Variants in SEM1 observed in about 807,000 individuals in gnomAD.
The protein encoded by SEM1 is 26S proteasome complex subunit SEM1.
A neutral mutation model predicts 12.7 loss-of-function variants in SEM1; 3 were observed. The ratio of observed to expected loss-of-function variants is 0.24; its 90% CI spans 0.11 to 0.61. The LOEUF (loss-of-function observed/expected upper bound fraction) is 0.61, where lower values mean the gene tolerates loss of function less well. Among genes scored for constraint, SEM1 ranks in the 20% least tolerant of loss-of-function variants. The pLI, the probability that SEM1 is intolerant of heterozygous loss-of-function variation, is 0.88. For synonymous variants in SEM1, 30 were observed against 27.8 expected (o/e 1.08, Z -0.25); for missense variants, 59 against 81.3 (o/e 0.73, Z 1.06).
At chr7:96,487,224 A>G (rs1802808835) in intron 1 of SEM1, among the ~76,000 whole-genome samples, 1 of 150,070 alleles carries the variant, frequency 6.7e-6, no homozygotes, top group Non-Finnish European at 1.5e-5. Context: ...TGATGGAAGC[A>G]CTTTTTAAAA....
At chr7:96,497,263 T>G (rs1803326549), upstream of SEM1, among the ~76,000 whole-genome samples, 1 of 152,054 alleles carries the variant, frequency 6.6e-6, no homozygotes, top group Admixed American at 6.6e-5. Flanking sequence ...AAAATCAAAT[T>G]TTTTTCTTTT....
intron 2 of SEM1, among the ~76,000 whole-genome samples, chr7:96,537,610 C>T (rs1452588438): frequency 6.6e-6 from 1 of 151,610 alleles, no homozygotes; most frequent in Non-Finnish European, 1.5e-5. Flanking sequence ...GGGAAGTGTA[C>T]AGTAATTCTT....
chr7:96,652,185 C>A (rs920593518), intron 2 of SEM1, among the ~76,000 whole-genome samples: 2 of 152,134 alleles, frequency 1.3e-5, no homozygotes, highest in African/African-American at 2.4e-5. Context: ...ACACTCAAGT[C>A]AAGTGAACAC....
chr7:96,691,023 G>A (rs577986701), intron 2 of SEM1, among the ~76,000 whole-genome samples: 12 of 152,146 alleles, frequency 7.9e-5, no homozygotes, highest in African/African-American at 2.2e-4. Context: ...CACCGGCCTC[G>A]GCCTCCCAAA....
At chr7:96,673,731 G>A (rs1371551248) in exon 3 of SEM1, 1 of 764,754 alleles carries the variant, frequency 1.3e-6, no homozygotes. Context: ...TTTAGGTGGG[G>A]CCATGAACAC....
Position 96,515,728 on chromosome 7 carries a change from G to T in SEM1, c.171-9030C>A, listed in dbSNP as rs6959352. ...AGGATGAGTTCCTGCCCTTTGCAGG[G>T]ACATGGATGAAGCTGGAAACCATCA... On this transcript the variant is annotated intron_variant and NMD_transcript_variant, in intron 2 of 3. Transcript: ENST00000466986. 4.9e-3 allele frequency among the ~76,000 whole-genome samples: 739 copies of T among 152,238 alleles called. 3 individuals carry two copies. The highest frequency in any genetic ancestry group is 0.015 in the African/African-American group (631 of 41,546).
chr7:96,545,324 T>C (rs1390509641), intron 2 of SEM1, among the ~76,000 whole-genome samples: 5 of 152,040 alleles, frequency 3.3e-5, no homozygotes, highest in Non-Finnish European at 5.9e-5. Context: ...TGGTTCATAG[T>C]TTTTAAGGGG....
At chr7:96,565,464 A>AAAAAAGAAGAAG (rs1376401806) in intron 2 of SEM1, among the ~76,000 whole-genome samples, 7 of 151,988 alleles carry the variant, frequency 4.6e-5, no homozygotes, top group Middle Eastern at 3.4e-3. Context: ...CTGTGATTTG[A>AAAAAAGAAGAAG]AAAAAGAAGA....
At chr7:96,577,328 G>A (rs1806239440) in intron 2 of SEM1, among the ~76,000 whole-genome samples, 1 of 152,072 alleles carries the variant, frequency 6.6e-6, no homozygotes, top group Non-Finnish European at 1.5e-5. Context: ...GGCAAAGCCT[G>A]CTCAAAGAAG....
intron 1 of SEM1, among the ~76,000 whole-genome samples, chr7:96,703,944 G>A (rs570544340): frequency 1.3e-5 from 2 of 150,582 alleles, no homozygotes; most frequent in East Asian, 3.9e-4. Context: ...GGGTGACAGA[G>A]CACCAGAGCA....
chr7:96,660,453 T>A (rs1438875671), intron 2 of SEM1, among the ~76,000 whole-genome samples: 1 of 152,122 alleles, frequency 6.6e-6, no homozygotes, highest in Non-Finnish European at 1.5e-5. Flanking sequence ...AATTTCATTT[T>A]AAAAATAAAA....
chr7:96,588,156 C>A (rs1420248378), intron 2 of SEM1, among the ~76,000 whole-genome samples: 1 of 146,764 alleles, frequency 6.8e-6, no homozygotes, highest in African/African-American at 2.5e-5. Context: ...ATCGCTTGAG[C>A]CCAGGACTTT....
downstream of SEM1, among the ~76,000 whole-genome samples, chr7:96,669,616 A>G (rs1789260596): frequency 6.6e-6 from 1 of 152,190 alleles, no homozygotes; most frequent in Non-Finnish European, 1.5e-5. Context: ...CTTGGTCAAA[A>G]GCATGACAGA....
At chr7:96,667,568 T>C (rs1789203071) in intron 2 of SEM1, among the ~76,000 whole-genome samples, 1 of 152,226 alleles carries the variant, frequency 6.6e-6, no homozygotes, top group Non-Finnish European at 1.5e-5. Flanking sequence ...ATTTTAGCTT[T>C]TGGATATATG....
chr7:96,651,469 G>T (rs979302130), intron 2 of SEM1, among the ~76,000 whole-genome samples: 3 of 152,130 alleles, frequency 2.0e-5, no homozygotes. Flanking sequence ...CAGAGTCAAA[G>T]GCAGCATCTC....
rs747251356 is a variant in SEM1, at chr7:96,486,177, T to C, written c.227+26A>G. On this transcript the variant is annotated intron_variant, in intron 2 of 3. Transcript: ENST00000356686. ...ATTTTTTTTCTACCTTTTTTTTTTT[T>C]CCTCCTGTGGCTGTCATCTGCTTAC... is the stretch of plus-strand genomic sequence containing the variant. 8.8e-6 allele frequency: 13 copies of C among 1,475,640 alleles called. No individual in the cohort carries two copies. The South Asian group carries it at 1.2e-4, about 13-fold the overall frequency. The allele number at this position is 1,475,640 out of a possible 1,614,324, so 91.4% of individuals were successfully genotyped here. A position where few individuals can be genotyped will look rare whatever the true frequency, so the allele number is the denominator to read the frequency against.
intron 2 of SEM1, among the ~76,000 whole-genome samples, chr7:96,558,532 C>G (rs888800845): frequency 3.3e-5 from 5 of 151,930 alleles, no homozygotes; most frequent in Non-Finnish European, 7.4e-5. Context: ...AGGGGAGGAG[C>G]TGCAGTAAAG....
upstream of SEM1, among the ~76,000 whole-genome samples, chr7:96,499,023 G>A (rs1456422582): frequency 6.6e-6 from 1 of 152,114 alleles, no homozygotes. Context: ...AAAGAATGAA[G>A]CACATAGATT....
At chr7:96,685,409 T>C (rs545406596), downstream of SEM1, among the ~76,000 whole-genome samples, 7 of 152,226 alleles carry the variant, frequency 4.6e-5, no homozygotes, top group South Asian at 1.2e-3. Flanking sequence ...TAAAAACTTC[T>C]ACCATGGAGT....
Sources: gnomAD v4.1 joint callset for allele counts (sites outside exome capture counted in the v4.1 genomes callset) on GRCh38, gnomAD v4.1.1 for gene constraint, MANE v1.5 for transcripts, NCBI Gene and HGNC (gene_info 2026-07-23, HGNC 2026-07-21) for gene names.